The following ITIH4 variants were observed in gnomAD, a reference collection of about 807,000 sequenced individuals.
The protein encoded by ITIH4 is inter-alpha-trypsin inhibitor heavy chain H4.
Under a neutral mutation model 111.8 loss-of-function variants are expected in ITIH4, and 79 were observed. The ratio of observed to expected loss-of-function variants is 0.71; its 90% CI spans 0.59 to 0.85. The LOEUF (loss-of-function observed/expected upper bound fraction) is 0.85. Ranked by LOEUF, ITIH4 falls within the 40% of genes least tolerant of loss-of-function variation. The pLI is 0.00. For missense variants in ITIH4, 1,065 were observed against 1,195.8 expected, an observed-to-expected ratio of 0.89 and a Z score of 1.61; for synonymous variants, 472 against 468.3, an observed-to-expected ratio of 1.01 and a Z score of -0.10.
In ITIH4 at chr3:52,813,164, T is replaced by C. The variant is rs2154110983; in HGVS notation, c.*257A>G. ...CTGGACTGAAAGCTCAGCATGGGCC[T>C]TCCTGGCCATGGGCTCTTGAGAGCT... On this transcript the variant is annotated 3_prime_UTR_variant, in exon 24 of 24. Transcript: ENST00000266041. 4.2e-6 allele frequency: 2 copies of C among 480,882 alleles called. No homozygotes were observed. The highest frequency in any genetic ancestry group is 7.4e-6 in the Non-Finnish European group (2 of 269,444). 29.8% of individuals were successfully genotyped at this position (480,882 alleles called of 1,614,324 possible).
rs1700455952 is a variant in ITIH4, at chr3:52,824,722, G to A, written c.876+120C>T. On this transcript the variant is annotated intron_variant, in intron 7 of 23. Transcript: ENST00000266041. The surrounding 1 kb of genome is among the most constrained non-coding windows in gnomAD (Gnocchi z 4.3). Reference sequence around the variant, plus strand: ...TAGGCTCTGGCCAACCTTGGTTCCTGAGAGCCACCCGCCCCATGGTGCCGA... The same window carrying A: ...TAGGCTCTGGCCAACCTTGGTTCCTAAGAGCCACCCGCCCCATGGTGCCGA... 8.1e-7 allele frequency: 1 copy of A among 1,240,302 alleles called. No homozygotes were observed. Among genetic ancestry groups the A allele is most frequent in the Non-Finnish European group, 1.1e-6 (1 of 880,176 alleles). 76.8% of individuals were successfully genotyped at this position (1,240,302 alleles called of 1,614,324 possible). A position where few individuals can be genotyped will look rare whatever the true frequency, so the allele number is the denominator to read the frequency against.
rs760895897 is a variant in ITIH4, at chr3:52,829,217, C to T, written c.153G>A (p.Thr51=). 1.8e-5 allele frequency: 29 copies of T among 1,613,580 alleles called. No individual in the cohort carries two copies. The Admixed American group carries it at 2.2e-4, about 12-fold the overall frequency. The change falls in exon 2 of 24, where the codon ACG becomes ACA. Residue 51 remains threonine (T), a synonymous_variant. Transcript: ENST00000266041. ...TATTGACCACTCGGCTGGTGACGAC[C>T]GTGTGGGCAAATCGGGATGAGACCC... The part of the protein sequence containing the change: ...DSRVSSRFAH[T]VVTSRVVNRA...
intron 23 of ITIH4, among the ~76,000 whole-genome samples, chr3:52,813,706 C>G (rs1700228211): frequency 6.6e-6 from 1 of 152,208 alleles, no homozygotes; most frequent in Non-Finnish European, 1.5e-5. Flanking sequence ...TCTGGGAGTT[C>G]AGGGTGTGGA....
At position 52,819,693 on chromosome 3, in the gene ITIH4, C is replaced by A. The variant is rs925232893; in HGVS notation, c.1951+61G>T. 10 of 1,591,716 alleles carry A rather than the reference C, an allele frequency of 6.3e-6. No individual in the cohort carries two copies. In the African/African-American group the frequency reaches 1.3e-4, roughly 21 times the overall value. The stretch of plus-strand genomic sequence containing the variant: ...CAGCTGGGAGATGAACAATAATGGA[C>A]CTCCCTCAAGCTCCCCCCCAGGGAT... On this transcript the variant is annotated intron_variant, in intron 16 of 23. Coordinates refer to ENST00000266041, the MANE Select transcript of ITIH4 (RefSeq NM_002218.5).
chr3:52,819,480 C>T lies in ITIH4; in HGVS notation c.1990G>A (p.Val664Ile), dbSNP rs757414192. The change falls in exon 17 of 24, where the codon GTT becomes ATT. Residue 664 changes from valine to isoleucine, a missense_variant. Coordinates refer to ENST00000266041, the MANE Select transcript of ITIH4 (RefSeq NM_002218.5). ...AGSRMNFRPG[V>I]LSSRQLGLPG... is the part of the protein sequence containing the mutation. ...AGTCCAAGTTGCCTGGAGCTGAGAA[C>T]CCCAGGTCTGAAATTCATCCGGGAG... 10 of 1,614,014 alleles carry T rather than the reference C, an allele frequency of 6.2e-6. No homozygotes were observed. The highest frequency in any genetic ancestry group is 8.5e-6 in the Non-Finnish European group (10 of 1,180,016).
chr3:52,828,989 G>T, intron 2 of ITIH4, 130 bp downstream of exon 2: 1 of 773,254 alleles, frequency 1.3e-6, no homozygotes, highest in Non-Finnish European at 2.0e-6. Flanking sequence ...GTGGCCCCAG[G>T]TGCAGGGTGT....
At position 52,830,562 on chromosome 3, in the gene ITIH4, A is replaced by G. The variant is rs749736627; in HGVS notation, c.81T>C (p.Thr27=). The G allele has an allele frequency of 6.2e-7, 1 of 1,614,090 alleles. No individual in the cohort carries two copies. The highest frequency in any genetic ancestry group is 8.5e-7 in the Non-Finnish European group (1 of 1,179,958). ...CATGGACACTGGCTACCTTTTCGGC[A>G]GTAGTAGTCTGGTGGATGGCCAGCA... The part of the protein sequence containing the change: ...LSLLAIHQTT[T]AEKNGIDIYS... The change falls in exon 1 of 24, where the codon ACT becomes ACC. Residue 27 remains threonine, a synonymous_variant. Coordinates refer to ENST00000266041, the MANE Select transcript of ITIH4 (RefSeq NM_002218.5).
chr3:52,829,333 G>C, intron 1 of ITIH4, 54 bp from the exon 2 acceptor site: 1 of 1,540,490 alleles, frequency 6.5e-7, no homozygotes, highest in Non-Finnish European at 8.8e-7. Flanking sequence ...CCTCAGCTCG[G>C]GGTGACGCTC....
chr3:52,813,759 C>T (rs1015990484), intron 23 of ITIH4, among the ~76,000 whole-genome samples: 1 of 152,200 alleles, frequency 6.6e-6, no homozygotes. Flanking sequence ...CCAGGGATCT[C>T]AGGGCCCATG....
At chr3:52,821,627 G>A (rs1311066511) in intron 11 of ITIH4, among the ~76,000 whole-genome samples, 1 of 152,170 alleles carries the variant, frequency 6.6e-6, no homozygotes, top group South Asian at 2.1e-4. Flanking sequence ...CACCCCAACG[G>A]CTGTCCCTGT....
Position 52,813,145 on chromosome 3 carries a change from T to G in ITIH4, c.*276A>C, listed in dbSNP as rs1700220523. 2.3e-6 allele frequency: 1 copy of G among 439,826 alleles called. No homozygotes were observed. Among genetic ancestry groups the G allele is most frequent in the Non-Finnish European group, 4.1e-6 (1 of 246,106 alleles). The allele number at this position is 439,826 out of a possible 1,614,324, so 27.2% of individuals were successfully genotyped here. On this transcript the variant is annotated 3_prime_UTR_variant, in exon 24 of 24. Coordinates refer to ENST00000266041, the MANE Select transcript of ITIH4 (RefSeq NM_002218.5). ...TGTTTGTAAAATGAAGGGGCTGGAC[T>G]GAAAGCTCAGCATGGGCCTTCCTGG...
In ITIH4 at chr3:52,818,510, A is replaced by C. The variant is rs371866403; in HGVS notation, c.2104T>G (p.Ser702Ala). The C allele has an allele frequency of 1.8e-5, 29 of 1,606,006 alleles. No individual in the cohort carries two copies. In the African/African-American group the frequency reaches 3.9e-4, roughly 21 times the overall value. ...CGAGACACAGCTGGATCAGGATTTG[A>C]GGTGGCTGGTGGTGCTGAAGCAGGC... ...ILPASAPPAT[S>A]NPDPAVSRVM... Residue 702 changes from serine (S) to alanine (A), a missense_variant, in exon 18 of 24, where the codon TCA (serine) becomes GCA (alanine). By Grantham distance (99) the Ser-to-Ala change is moderately conservative (BLOSUM62 1). Transcript: ENST00000266041.
rs186449985 is a variant in ITIH4, at chr3:52,814,130, C to A, written c.2627-59G>T. 3.7e-6 allele frequency: 6 copies of A among 1,604,418 alleles called. No individual in the cohort carries two copies. In the East Asian group the frequency reaches 1.3e-4, roughly 36 times the overall value. On this transcript the variant is annotated intron_variant, in intron 22 of 23. Coordinates refer to ENST00000266041, the MANE Select transcript of ITIH4 (RefSeq NM_002218.5). ...AGACAGAGGAAGCCTGGGAGACACA[C>A]GCAGGGGAGGGGCGCTGCCTGTTCC... is the stretch of plus-strand genomic sequence containing the variant.
chr3:52,829,016 A>G (rs1296163023), intron 2 of ITIH4, 103 bp downstream of exon 2: 23 of 1,098,300 alleles, frequency 2.1e-5, no homozygotes, highest in Middle Eastern at 2.5e-4. Context: ...GAAGATGTAC[A>G]CCCTGGCATG....
chr3:52,830,147 A>G, intron 1 of ITIH4: 3 of 351,150 alleles, frequency 8.5e-6, no homozygotes, highest in South Asian at 6.5e-5. Flanking sequence ...TTTTCACAAC[A>G]AGCACTGTCC....
intron 11 of ITIH4, 190 bp downstream of exon 11, chr3:52,823,366 A>G: frequency 1.7e-6 from 1 of 595,072 alleles, no homozygotes; most frequent in Non-Finnish European, 3.0e-6. Context: ...CCGGCTGCCG[A>G]GAGCCTGTAT....
At chr3:52,826,747 A>G (rs1317082271) in intron 4 of ITIH4, 44 bp downstream of exon 4, 3 of 1,613,160 alleles carry the variant, frequency 1.9e-6, no homozygotes, top group Non-Finnish European at 1.7e-6. Context: ...CAGCAGGGCA[A>G]GGGTCATGCA....
At position 52,820,272 on chromosome 3, in the gene ITIH4, G is replaced by A; in HGVS notation, c.1861+19C>T. 6.2e-7 allele frequency: 1 copy of A among 1,614,030 alleles called. No homozygotes were observed. Among genetic ancestry groups the A allele is most frequent in the Non-Finnish European group, 8.5e-7 (1 of 1,179,976 alleles). The stretch of plus-strand genomic sequence containing the variant: ...CAGACCACCACCCAGCACAGCCTTT[G>A]AGGATGTTCGCTGCTTACCTGAGTG... On this transcript the variant is annotated intron_variant, in intron 14 of 23. Coordinates refer to ENST00000266041, the MANE Select transcript of ITIH4 (RefSeq NM_002218.5).
intron 11 of ITIH4, 46 bp downstream of exon 11, chr3:52,823,510 G>A (rs752739164): frequency 6.7e-7 from 1 of 1,492,532 alleles, no homozygotes; most frequent in African/African-American, 1.4e-5. Context: ...TGGCTGCAGA[G>A]GTGGAGGCTG....
Sources: gnomAD v4.1 joint callset for allele counts (sites outside exome capture counted in the v4.1 genomes callset) on GRCh38, gnomAD v4.1.1 for gene constraint, Gnocchi (gnomAD v3.1) non-coding constraint, MANE v1.5 for transcripts, NCBI Gene and HGNC (gene_info 2026-07-23, HGNC 2026-07-21) for gene names.